Variants in JCAD observed in about 807,000 individuals in gnomAD.
JCAD encodes the protein junctional cadherin 5-associated protein.
Under a neutral mutation model 98.0 loss-of-function variants are expected in JCAD, and 40 were observed. That is an observed-to-expected ratio of 0.41 (90% CI 0.32 to 0.53). The LOEUF is 0.53. JCAD is among the 20% of genes least tolerant of loss of function. The probability of loss-of-function intolerance (pLI) is 0.31; values close to 1 mark genes in which losing one functional copy is unlikely to be tolerated. For synonymous variants in JCAD, 691 were observed against 682.3 expected (o/e 1.01, Z -0.20); for missense variants, 1,705 against 1,738.1 (o/e 0.98, Z 0.34).
At chr10:30,044,081 C>T (rs1837290143) in intron 2 of JCAD, among the ~76,000 whole-genome samples, 1 of 152,130 alleles carries the variant, frequency 6.6e-6, no homozygotes, top group African/African-American at 2.4e-5. Context: ...TGTTTGATCT[C>T]ACTCTCTCAC....
chr10:30,073,394 A>G (rs1002369993), intron 1 of JCAD, among the ~76,000 whole-genome samples: 1 of 152,206 alleles, frequency 6.6e-6, no homozygotes, highest in East Asian at 1.9e-4. Flanking sequence ...TGCACACTCC[A>G]TGAAGTTTGT....
chr10:30,046,522 T>G (rs1047278666), intron 2 of JCAD, among the ~76,000 whole-genome samples: 3 of 152,224 alleles, frequency 2.0e-5, no homozygotes, highest in Non-Finnish European at 2.9e-5. Context: ...AGAGCCCTTT[T>G]CACTCTCTGT....
intron 1 of JCAD, among the ~76,000 whole-genome samples, chr10:30,107,264 A>G (rs1025208691): frequency 1.7e-4 from 26 of 152,210 alleles, no homozygotes; most frequent in Non-Finnish European, 7.3e-5. Flanking sequence ...ACAGGTCACA[A>G]AGACCTTGCT....
At position 30,027,601 on chromosome 10, in the gene JCAD, G is replaced by A; in HGVS notation, c.2547C>T (p.Ser849=). 1 of 1,613,590 alleles carries A rather than the reference G, an allele frequency of 6.2e-7. No individual in the cohort carries two copies. Among genetic ancestry groups the A allele is most frequent in the Non-Finnish European group, 8.5e-7 (1 of 1,179,688 alleles). ...TGCTGCTGCTGCTGCTGCTGCTACT[G>A]CTGCTTTCTTCCTCTTCCTGGAGCT... The part of the protein sequence containing the change: ...NKELQEEEES[S]SSSSSSSSSS... Residue 849 remains serine, a synonymous_variant, in exon 3 of 4, where the codon AGC becomes AGT. Transcript: ENST00000375377.
chr10:30,097,100 T>A (rs1838381676), intron 1 of JCAD, among the ~76,000 whole-genome samples: 1 of 152,234 alleles, frequency 6.6e-6, no homozygotes, highest in Admixed American at 6.5e-5. Context: ...AAGACTGTAC[T>A]GCCCATGGCA....
At chr10:30,089,301 G>A (rs1454655058) in intron 1 of JCAD, among the ~76,000 whole-genome samples, 1 of 152,184 alleles carries the variant, frequency 6.6e-6, no homozygotes, top group Non-Finnish European at 1.5e-5. Flanking sequence ...GTGCAACGTG[G>A]CACCACAGTG....
intron 1 of JCAD, among the ~76,000 whole-genome samples, chr10:30,108,476 C>T (rs139868384): frequency 3.9e-5 from 6 of 152,098 alleles, no homozygotes; most frequent in African/African-American, 9.7e-5. Context: ...AATGGGGCGA[C>T]GAGAATTTTA....
chr10:30,095,378 T>G (rs1838352266), intron 1 of JCAD, among the ~76,000 whole-genome samples: 1 of 152,246 alleles, frequency 6.6e-6, no homozygotes, highest in Non-Finnish European at 1.5e-5. Flanking sequence ...TTGTTCTAAA[T>G]TAATTCCTGG....
At chr10:30,114,375 T>C (rs117932056) in intron 1 of JCAD, among the ~76,000 whole-genome samples, 78 of 152,322 alleles carry the variant, frequency 5.1e-4, no homozygotes, top group Non-Finnish European at 5.4e-4. Context: ...AATAAATGTT[T>C]GACTGACAAC....
chr10:30,062,684 C>T (rs370270800), upstream of JCAD, among the ~76,000 whole-genome samples: 3 of 152,242 alleles, frequency 2.0e-5, no homozygotes, highest in East Asian at 3.9e-4. Context: ...GCGCGCCTTA[C>T]GTGGCAGCAG....
chr10:30,086,990 A>G (rs1838177103), intron 1 of JCAD, among the ~76,000 whole-genome samples: 1 of 152,194 alleles, frequency 6.6e-6, no homozygotes. Flanking sequence ...GGGTCCAGAG[A>G]CTTGGGGTGA....
At chr10:30,022,620 A>C (rs2132605763) in intron 3 of JCAD, among the ~76,000 whole-genome samples, 1 of 152,342 alleles carries the variant, frequency 6.6e-6, no homozygotes, top group Admixed American at 6.5e-5. Flanking sequence ...TGACCATCAC[A>C]TGAAAGGCCC....
intron 2 of JCAD, chr10:30,044,944 G>T: frequency 4.6e-6 from 1 of 217,768 alleles, no homozygotes; most frequent in Non-Finnish European, 7.8e-6. Flanking sequence ...TACCCTAGGA[G>T]CCAACCTTCA....
chr10:30,026,272 TGTG>T lies in JCAD; in HGVS notation c.3873_3875del (p.Thr1292del). 1 of 1,613,792 alleles carries T rather than the reference TGTG, an allele frequency of 6.2e-7. No individual in the cohort carries two copies. The highest frequency in any genetic ancestry group is 8.5e-7 in the Non-Finnish European group (1 of 1,180,008). On this transcript the variant is annotated inframe_deletion, in exon 3 of 4. Coordinates refer to ENST00000375377, the MANE Select transcript of JCAD (RefSeq NM_020848.4). Reference sequence around the variant, plus strand: ...CTCCCGGGAGCCCGGCCTGGCCCCTTGTGGTGGCCTTCAATTCCTCGGCGTCCT... The same window carrying T: ...CTCCCGGGAGCCCGGCCTGGCCCCTTGTGGCCTTCAATTCCTCGGCGTCCT...
rs74424415 is a variant in JCAD, at chr10:30,017,423, C to T, written c.*460G>A. 834 of 176,726 alleles carry T rather than the reference C, an allele frequency of 4.7e-3. 8 individuals are homozygous for T. The highest frequency in any genetic ancestry group is 0.019 in the African/African-American group (801 of 41,836). The allele number at this position is 176,726 out of a possible 1,614,324, so 10.9% of individuals were successfully genotyped here. Reference sequence around the variant, plus strand: ...TTCCCCTAAACTGAAAGTGCTGAAACACCGGGCAACAGCCAGTGTCCCAAA... The same window carrying T: ...TTCCCCTAAACTGAAAGTGCTGAAATACCGGGCAACAGCCAGTGTCCCAAA... On this transcript the variant is annotated 3_prime_UTR_variant, in exon 4 of 4. Transcript: ENST00000375377.
chr10:30,045,197 G>T (rs1191991427), intron 2 of JCAD, among the ~76,000 whole-genome samples: 10 of 152,228 alleles, frequency 6.6e-5, no homozygotes, highest in African/African-American at 1.4e-4. Flanking sequence ...TTGTGGATGA[G>T]GTTGGCGGCC....
At chr10:30,055,802 G>C (rs1231647113) in intron 1 of JCAD, among the ~76,000 whole-genome samples, 1 of 152,138 alleles carries the variant, frequency 6.6e-6, no homozygotes, top group Non-Finnish European at 1.5e-5. Context: ...GGGGTGGATT[G>C]GTATTAAGGC....
chr10:30,107,906 A>T (rs1018445610), intron 1 of JCAD, among the ~76,000 whole-genome samples: 6 of 152,204 alleles, frequency 3.9e-5, no homozygotes, highest in Non-Finnish European at 8.8e-5. Flanking sequence ...CTTAAAAAAA[A>T]ATGGCCATAG....
At chr10:30,031,591 G>A (rs901701243) in intron 2 of JCAD, among the ~76,000 whole-genome samples, 5 of 150,962 alleles carry the variant, frequency 3.3e-5, no homozygotes, top group Non-Finnish European at 7.4e-5. Context: ...ACAGGCACCT[G>A]CCACCACACC....
Sources: allele counts gnomAD v4.1 joint callset (sites outside exome capture counted in the v4.1 genomes callset), GRCh38; gene constraint gnomAD v4.1.1; transcripts MANE v1.5; gene names NCBI Gene and HGNC (gene_info 2026-07-23, HGNC 2026-07-21).